Variants in LNPK observed in about 807,000 individuals in gnomAD.
The protein encoded by LNPK is endoplasmic reticulum junction formation protein lunapark.
In LNPK, 29 loss-of-function variants were observed where a neutral mutation model predicts 55.2. That is an observed-to-expected ratio of 0.53 (90% CI 0.39 to 0.72). The LOEUF is 0.72. Ranked by LOEUF, LNPK falls within the 30% of genes least tolerant of loss-of-function variation. The probability of loss-of-function intolerance (pLI) is 0.00; values close to 1 mark genes in which losing one functional copy is unlikely to be tolerated. For synonymous variants in LNPK, 162 were observed against 168.2 expected, an observed-to-expected ratio of 0.96 and a Z score of 0.29; for missense variants, 467 against 494.8, an observed-to-expected ratio of 0.94 and a Z score of 0.53.
chr2:175,966,321 C>T (rs1013640851), intron 6 of LNPK, among the ~76,000 whole-genome samples: 1 of 152,186 alleles, frequency 6.6e-6, no homozygotes, highest in African/African-American at 2.4e-5. Context: ...ACCTCAGCCT[C>T]CCAAAGTGCT....
At position 175,937,455 on chromosome 2, in the gene LNPK, G is replaced by C. The variant is rs1271680237; in HGVS notation, c.943C>G (p.Pro315Ala). 2.5e-6 allele frequency: 4 copies of C among 1,613,450 alleles called. No individual in the cohort carries two copies. Among genetic ancestry groups the C allele is most frequent in the Non-Finnish European group, 3.4e-6 (4 of 1,179,590 alleles). Residue 315 changes from proline to alanine, a missense_variant, in exon 12 of 13, where the codon CCA (proline) becomes GCA (alanine). Physicochemically the swap from Pro to Ala is conservative, Grantham distance 27. Coordinates refer to ENST00000272748, the MANE Select transcript of LNPK (RefSeq NM_030650.3). ...NPARKTRPQAPRLPEFSFEKR... is the reference protein window; with the variant it reads ...NPARKTRPQAARLPEFSFEKR... ...TCAAAACTAAACTCAGGAAGTCTTGGAGCCTGAGGTCTGGTTTTTCTTGCA... is the reference window on the plus strand; with the variant it reads ...TCAAAACTAAACTCAGGAAGTCTTGCAGCCTGAGGTCTGGTTTTTCTTGCA...
intron 12 of LNPK, among the ~76,000 whole-genome samples, chr2:175,934,769 G>A (rs1224868027): frequency 3.3e-5 from 5 of 151,314 alleles, no homozygotes; most frequent in Non-Finnish European, 4.4e-5. Context: ...ATTTCTTGCC[G>A]TATTTAGTAT....
intron 5 of LNPK, among the ~76,000 whole-genome samples, chr2:175,978,464 G>A (rs996883420): frequency 6.6e-6 from 1 of 152,036 alleles, no homozygotes; most frequent in Non-Finnish European, 1.5e-5. Context: ...ATTTTGTAAG[G>A]TTTGTTTGTG....
Position 175,924,159 on chromosome 2 carries a change from A to G in LNPK, c.*5808T>C, listed in dbSNP as rs1303645244. On this transcript the variant is annotated 3_prime_UTR_variant, in exon 13 of 13. Coordinates refer to ENST00000272748, the MANE Select transcript of LNPK (RefSeq NM_030650.3). ...ATGTCTCTTTAGAAGTTCATAAACT[A>G]TATCTAGATCTCTGCTACAATTTTC... The G allele has an allele frequency of 6.6e-6, 1 of 152,222 alleles. No homozygotes were observed. Among genetic ancestry groups the G allele is most frequent in the Non-Finnish European group, 1.5e-5 (1 of 68,020 alleles). The allele number at this position is 152,222 out of a possible 1,614,324, so 9.4% of individuals were successfully genotyped here. A position where few individuals can be genotyped will look rare whatever the true frequency, so the allele number is the denominator to read the frequency against.
chr2:175,938,862 T>C (rs1365359481), intron 10 of LNPK: 1 of 152,222 alleles, frequency 6.6e-6, no homozygotes, highest in Non-Finnish European at 1.5e-5. Context: ...TTAATTACTA[T>C]ACATGATTCT....
intron 5 of LNPK, among the ~76,000 whole-genome samples, chr2:175,977,314 T>A (rs951039088): frequency 1.3e-5 from 2 of 152,166 alleles, no homozygotes; most frequent in Non-Finnish European, 2.9e-5. Context: ...AAAATCCAGT[T>A]CTTCATTTAC....
chr2:175,929,009 G>T lies in LNPK; in HGVS notation c.*958C>A. On this transcript the variant is annotated 3_prime_UTR_variant, in exon 13 of 13. Transcript: ENST00000272748. ...AAAGTACCATAATTTGCTCTAAGCA[G>T]AATCTACAGATTTATTGTATTGTGA... 1.8e-6 allele frequency: 1 copy of T among 547,362 alleles called. No homozygotes were observed. Among genetic ancestry groups the T allele is most frequent in the Non-Finnish European group, 2.3e-6 (1 of 429,312 alleles). 33.9% of individuals were successfully genotyped at this position (547,362 alleles called of 1,614,324 possible).
At chr2:175,952,077 G>A in intron 8 of LNPK, among the ~76,000 whole-genome samples, 1 of 100,642 alleles carries the variant, frequency 9.9e-6, no homozygotes, top group East Asian at 2.3e-4. Context: ...CTTTTTGATG[G>A]GATTGTTTTT....
chr2:175,962,042 C>T (rs778290112), intron 8 of LNPK, among the ~76,000 whole-genome samples: 24 of 151,964 alleles, frequency 1.6e-4, no homozygotes, highest in Non-Finnish European at 2.4e-4. Context: ...CACTACTCAA[C>T]GAAATAAAAG....
chr2:175,960,317 C>A (rs1685948500), intron 8 of LNPK, among the ~76,000 whole-genome samples: 2 of 152,172 alleles, frequency 1.3e-5, no homozygotes, highest in African/African-American at 4.8e-5. Flanking sequence ...AAATAAAGCA[C>A]TCCTCAGCAA....
intron 4 of LNPK, among the ~76,000 whole-genome samples, chr2:175,985,283 C>T (rs922268889): frequency 2.6e-5 from 4 of 152,130 alleles, no homozygotes; most frequent in African/African-American, 2.4e-5. Flanking sequence ...CTGAATTGTG[C>T]GGTGGTTACA....
In LNPK at chr2:175,929,644, A is replaced by T; in HGVS notation, c.*323T>A. 2 of 1,060,364 alleles carry T rather than the reference A, an allele frequency of 1.9e-6. No homozygotes were observed. The highest frequency in any genetic ancestry group is 2.3e-6 in the Non-Finnish European group (2 of 878,124). 65.7% of individuals were successfully genotyped at this position (1,060,364 alleles called of 1,614,324 possible). A position where few individuals can be genotyped will look rare whatever the true frequency, so the allele number is the denominator to read the frequency against. On this transcript the variant is annotated 3_prime_UTR_variant, in exon 13 of 13. Transcript: ENST00000272748. The stretch of plus-strand genomic sequence containing the variant: ...CAAAGTTCTTCCTATGTCAAAATGG[A>T]TATTTACGGGTTATACATACAGAAA...
At chr2:175,933,766 C>CT (rs1302242677) in intron 12 of LNPK, among the ~76,000 whole-genome samples, 1 of 132,518 alleles carries the variant, frequency 7.5e-6, no homozygotes, top group African/African-American at 2.8e-5. Context: ...GAGTCTCACT[C>CT]TGTCACCCAC....
upstream of LNPK, chr2:176,002,427 C>G (rs1161166293): frequency 3.0e-6 from 1 of 334,366 alleles, no homozygotes; most frequent in Non-Finnish European, 5.8e-6. Flanking sequence ...TTTGTGGCCT[C>G]CGCAGCCAGC....
intron 6 of LNPK, among the ~76,000 whole-genome samples, chr2:175,968,180 C>T (rs1417202636): frequency 6.6e-6 from 1 of 152,164 alleles, no homozygotes; most frequent in African/African-American, 2.4e-5. Flanking sequence ...GAATTTCTTG[C>T]TCTTGCCTTC....
chr2:175,993,553 G>A (rs912915907), intron 2 of LNPK, among the ~76,000 whole-genome samples: 8 of 152,094 alleles, frequency 5.3e-5, no homozygotes, highest in Non-Finnish European at 1.0e-4. Context: ...GGTGGCTCAC[G>A]CCTGCACTTT....
At chr2:175,963,307 A>G (rs1402223614) in intron 8 of LNPK, among the ~76,000 whole-genome samples, 1 of 152,230 alleles carries the variant, frequency 6.6e-6, no homozygotes, top group Non-Finnish European at 1.5e-5. Context: ...AACCAACCCA[A>G]ATGCCCAACA....
At chr2:175,952,050 T>C (rs923139415) in intron 8 of LNPK, among the ~76,000 whole-genome samples, 1 of 149,764 alleles carries the variant, frequency 6.7e-6, no homozygotes, top group Non-Finnish European at 1.5e-5. Context: ...GAATTGTCTA[T>C]TCATGTTCTT....
chr2:175,991,525 A>G (rs1313906194), intron 4 of LNPK, among the ~76,000 whole-genome samples: 1 of 152,182 alleles, frequency 6.6e-6, no homozygotes, highest in African/African-American at 2.4e-5. Context: ...ATTCAGACTG[A>G]GGCAATGCCC....
Sources: gnomAD v4.1 joint callset for allele counts (sites outside exome capture counted in the v4.1 genomes callset) on GRCh38, gnomAD v4.1.1 for gene constraint, MANE v1.5 for transcripts, NCBI Gene and HGNC (gene_info 2026-07-23, HGNC 2026-07-21) for gene names.